HDAC9: variants seen among roughly 807,000 people sequenced by gnomAD.
The protein encoded by HDAC9 is MEF-2 interacting transcription repressor (MITR) protein.
In HDAC9, 41 loss-of-function variants were observed where a neutral mutation model predicts 139.4. The ratio of observed to expected loss-of-function variants is 0.29; its 90% CI spans 0.23 to 0.38. The LOEUF (loss-of-function observed/expected upper bound fraction) is 0.38. Ranked by LOEUF, HDAC9 falls within the 10% of genes least tolerant of loss-of-function variation. The pLI is 1.00. For synonymous variants in HDAC9, 517 were observed against 476.2 expected, an observed-to-expected ratio of 1.09 and a Z score of -1.12; for missense variants, 1,147 against 1,297.0, an observed-to-expected ratio of 0.88 and a Z score of 1.78.
At chr7:18,612,184 C>A (rs1398406735) in intron 6 of HDAC9, among the ~76,000 whole-genome samples, 2 of 152,054 alleles carry the variant, frequency 1.3e-5, no homozygotes, top group African/African-American at 4.8e-5. Flanking sequence ...ACTTTAATTA[C>A]ATGGGTTTAA....
chr7:18,964,961 T>C (rs1783754702), intron 24 of HDAC9, among the ~76,000 whole-genome samples: 1 of 152,222 alleles, frequency 6.6e-6, no homozygotes, highest in Non-Finnish European at 1.5e-5. Flanking sequence ...TGGTTTCCCA[T>C]GTAGGGAAAT....
In HDAC9 at chr7:18,968,958, C is replaced by CAAAAAAAAAAA. The variant is rs34379636; in HGVS notation, c.3023-6834_3023-6824dup. On this transcript the variant is annotated intron_variant, in intron 24 of 25. Coordinates refer to ENST00000686413, the MANE Select transcript of HDAC9 (RefSeq NM_178425.4). ...TGGACGACAGAGCGAGCCTCCCTCTCAAAAAAAAAAAAAAAAAAAAAAAAG... is the reference window on the plus strand; with the variant it reads ...TGGACGACAGAGCGAGCCTCCCTCTCAAAAAAAAAAAAAAAAAAAAAAAAAAAAAAAAAAAG... Among the ~76,000 whole-genome samples the CAAAAAAAAAAA allele has an allele frequency of 6.0e-3, 271 of 45,176 alleles. 20 individuals are homozygous for CAAAAAAAAAAA. The highest frequency in any genetic ancestry group is 0.014 in the African/African-American group (145 of 10,628). 29.6% of individuals were successfully genotyped at this position (45,176 alleles called of 152,430 possible).
chr7:18,953,344 C>T (rs1782934562), intron 23 of HDAC9, among the ~76,000 whole-genome samples: 3 of 152,118 alleles, frequency 2.0e-5, no homozygotes, highest in South Asian at 4.1e-4. Flanking sequence ...GCGCTTTCTG[C>T]TGCAACATGC....
chr7:18,387,109 A>G (rs551718275), intron 1 of HDAC9, among the ~76,000 whole-genome samples: 1 of 152,228 alleles, frequency 6.6e-6, no homozygotes, highest in South Asian at 2.1e-4. Flanking sequence ...TCGAAGAGGA[A>G]GAGTATCTCC....
chr7:18,900,725 C>T (rs1034749364), intron 22 of HDAC9, among the ~76,000 whole-genome samples: 7 of 152,104 alleles, frequency 4.6e-5, no homozygotes, highest in Non-Finnish European at 8.8e-5. Context: ...TTTATCTGAG[C>T]AGCCAGAAGA....
chr7:18,821,347 T>C (rs1794955019), intron 17 of HDAC9, among the ~76,000 whole-genome samples: 1 of 152,142 alleles, frequency 6.6e-6, no homozygotes, highest in Admixed American at 6.5e-5. Context: ...GAATGGTTTC[T>C]CTGGTGAAAT....
intron 1 of HDAC9, among the ~76,000 whole-genome samples, chr7:18,312,198 G>C (rs1799362022): frequency 6.6e-6 from 1 of 152,142 alleles, no homozygotes. Context: ...ATATGTGTCA[G>C]ATGAGCAGGC....
intron 12 of HDAC9, among the ~76,000 whole-genome samples, chr7:18,675,074 C>T (rs535510970): frequency 6.6e-6 from 1 of 151,946 alleles, no homozygotes; most frequent in African/African-American, 2.4e-5. Context: ...AAAGTGAGAG[C>T]TTGGAAAGAA....
intron 2 of HDAC9, among the ~76,000 whole-genome samples, chr7:18,256,083 A>G (rs117538523): frequency 0.07 from 10,625 of 151,986 alleles, 493 homozygotes; most frequent in East Asian, 0.13. Context: ...TTCTTCTCTC[A>G]ATATCTTGAA....
chr7:18,667,354 C>G, intron 12 of HDAC9: 3 of 983,950 alleles, frequency 3.0e-6, no homozygotes, highest in Non-Finnish European at 3.6e-6. Context: ...AAGTCAAAAT[C>G]AGTTTGAAAA....
At chr7:18,977,145 A>G (rs747666851) in intron 25 of HDAC9, among the ~76,000 whole-genome samples, 8 of 152,236 alleles carry the variant, frequency 5.3e-5, no homozygotes, top group Non-Finnish European at 1.0e-4. Context: ...CTATTGAAAG[A>G]TAACTTTATA....
At chr7:18,468,030 A>G (rs1046271839) in intron 1 of HDAC9, among the ~76,000 whole-genome samples, 9 of 152,310 alleles carry the variant, frequency 5.9e-5, no homozygotes, top group East Asian at 1.9e-4. Flanking sequence ...GAGAAAGATC[A>G]TGGAGGTGAA....
intron 6 of HDAC9, among the ~76,000 whole-genome samples, chr7:18,621,254 A>G (rs1840129765): frequency 6.6e-6 from 1 of 151,674 alleles, no homozygotes; most frequent in Admixed American, 6.6e-5. Context: ...CATAAATATA[A>G]TGATTCTCAT....
chr7:18,584,236 G>A (rs1401574942), intron 2 of HDAC9, among the ~76,000 whole-genome samples: 2 of 141,482 alleles, frequency 1.4e-5, no homozygotes, highest in Non-Finnish European at 3.0e-5. Flanking sequence ...CGCCTCCCAG[G>A]TTCACGCCAT....
At chr7:18,379,255 C>G (rs1325674416) in intron 1 of HDAC9, among the ~76,000 whole-genome samples, 1 of 152,142 alleles carries the variant, frequency 6.6e-6, no homozygotes, top group Non-Finnish European at 1.5e-5. Context: ...AGATTAAAAT[C>G]GTAACCACAT....
chr7:18,387,309 A>T (rs985029510), intron 1 of HDAC9, among the ~76,000 whole-genome samples: 2 of 152,100 alleles, frequency 1.3e-5, no homozygotes, highest in African/African-American at 4.8e-5. Flanking sequence ...CCCAGTGAGG[A>T]GTTTTGCATA....
At chr7:18,876,673 GA>G (rs1799342388) in intron 22 of HDAC9, among the ~76,000 whole-genome samples, 1 of 151,032 alleles carries the variant, frequency 6.6e-6, no homozygotes, top group African/African-American at 2.4e-5. Flanking sequence ...CCATTAAAAA[GA>G]AAATGTTTCA....
chr7:18,560,406 C>T (rs770586464), intron 2 of HDAC9, among the ~76,000 whole-genome samples: 5 of 152,096 alleles, frequency 3.3e-5, no homozygotes, highest in Non-Finnish European at 7.4e-5. Context: ...TTTGTGATGT[C>T]GTATTAGTTT....
intron 3 of HDAC9, among the ~76,000 whole-genome samples, chr7:18,588,517 A>G (rs1330015183): frequency 1.3e-5 from 2 of 152,166 alleles, no homozygotes; most frequent in African/African-American, 2.4e-5. Flanking sequence ...AATATTTCCA[A>G]TAGTTTTGTG....
Sources: allele counts gnomAD v4.1 joint callset (sites outside exome capture counted in the v4.1 genomes callset), GRCh38; gene constraint gnomAD v4.1.1; transcripts MANE v1.5; gene names NCBI Gene and HGNC (gene_info 2026-07-23, HGNC 2026-07-21).